Variants in KCNIP4 observed in about 807,000 individuals in gnomAD.
The protein encoded by KCNIP4 is potassium voltage-gated channel interacting protein 4, also known as Kv channel-interacting protein 4.
In KCNIP4, 12 loss-of-function variants were observed where a neutral mutation model predicts 34.0. The ratio of observed to expected loss-of-function variants is 0.35; its 90% CI spans 0.23 to 0.57. The LOEUF is 0.57. KCNIP4 is among the 20% of genes least tolerant of loss of function. KCNIP4 has a pLI of 0.83. For synonymous variants in KCNIP4, 124 were observed against 102.2 expected (o/e 1.21, Z -1.29); for missense variants, 238 against 311.7 (o/e 0.76, Z 1.78).
At chr4:20,878,621 T>C (rs1265802408) in intron 2 of KCNIP4, among the ~76,000 whole-genome samples, 1 of 152,212 alleles carries the variant, frequency 6.6e-6, no homozygotes, top group Admixed American at 6.5e-5. Context: ...AAAGTGAGTG[T>C]CTAGTATCAT....
At chr4:21,379,513 C>A (rs111665641) in intron 1 of KCNIP4, among the ~76,000 whole-genome samples, 184 of 152,294 alleles carry the variant, frequency 1.2e-3, no homozygotes, top group African/African-American at 4.4e-3. Context: ...TTAAGTTTTA[C>A]TACTAGGTGG....
At chr4:21,275,142 A>G (rs746938309) in intron 1 of KCNIP4, among the ~76,000 whole-genome samples, 3 of 152,162 alleles carry the variant, frequency 2.0e-5, no homozygotes, top group African/African-American at 4.8e-5. Flanking sequence ...ATAGTTATCT[A>G]TAGATTTCTA....
intron 1 of KCNIP4, among the ~76,000 whole-genome samples, chr4:21,018,793 G>A (rs182793340): frequency 6.6e-6 from 1 of 152,216 alleles, no homozygotes; most frequent in East Asian, 1.9e-4. Flanking sequence ...GGGATACTTG[G>A]ACTAACATAG....
intron 1 of KCNIP4, among the ~76,000 whole-genome samples, chr4:21,032,565 T>C (rs1410104800): frequency 6.6e-6 from 1 of 152,098 alleles, no homozygotes; most frequent in Non-Finnish European, 1.5e-5. Flanking sequence ...GAAAACTTCC[T>C]GAACCTGTTT....
intron 1 of KCNIP4, among the ~76,000 whole-genome samples, chr4:21,797,936 G>A (rs1720727078): frequency 6.6e-6 from 1 of 151,984 alleles, no homozygotes; most frequent in African/African-American, 2.4e-5. Flanking sequence ...TAGGCAGAAT[G>A]AGAAAAAAGG....
At chr4:21,498,774 A>G (rs1733059845) in intron 1 of KCNIP4, among the ~76,000 whole-genome samples, 1 of 152,216 alleles carries the variant, frequency 6.6e-6, no homozygotes. Flanking sequence ...ACTGTAAGAA[A>G]TAACAACTGT....
intron 5 of KCNIP4, among the ~76,000 whole-genome samples, chr4:20,744,375 A>G (rs1471434401): frequency 2.0e-5 from 3 of 152,146 alleles, no homozygotes; most frequent in Non-Finnish European, 4.4e-5. Flanking sequence ...TCCATCAATG[A>G]TAGACTGGAT....
chr4:21,605,262 T>C (rs141143801), intron 1 of KCNIP4, among the ~76,000 whole-genome samples: 80 of 152,284 alleles, frequency 5.3e-4, no homozygotes, highest in African/African-American at 1.8e-3. Flanking sequence ...TCTTGGCAGA[T>C]TGGAAAAGGC....
intron 1 of KCNIP4, among the ~76,000 whole-genome samples, chr4:21,299,669 T>A (rs1428389768): frequency 1.3e-5 from 2 of 152,196 alleles, no homozygotes; most frequent in African/African-American, 4.8e-5. Context: ...ACTAAGCTAT[T>A]TGAGATGGAA....
Position 20,733,318 on chromosome 4 carries a change from C to T in KCNIP4, c.538-533G>A, listed in dbSNP as rs185348561. Among the ~76,000 whole-genome samples, 918 of 152,206 alleles carry T rather than the reference C, an allele frequency of 6.0e-3. 34 individuals are homozygous for T. Among genetic ancestry groups the T allele is most frequent in the Admixed American group, 0.056 (850 of 15,290 alleles). ...GAAGACTAGTCAAAAAATTTTGACC[C>T]TGGGAAACACCTTTAAATTTTGTTA... On this transcript the variant is annotated intron_variant, in intron 6 of 8. Transcript: ENST00000382152.
At chr4:21,336,193 T>C (rs989281616) in intron 1 of KCNIP4, among the ~76,000 whole-genome samples, 2 of 152,168 alleles carry the variant, frequency 1.3e-5, no homozygotes, top group Admixed American at 6.5e-5. Flanking sequence ...ATTCACCTTG[T>C]ATAACATTAA....
chr4:20,841,106 C>T (rs1719664733), intron 3 of KCNIP4, among the ~76,000 whole-genome samples: 1 of 152,086 alleles, frequency 6.6e-6, no homozygotes, highest in African/African-American at 2.4e-5. Flanking sequence ...TCTTTCACTC[C>T]CCCTATTATT....
In KCNIP4 at chr4:20,953,193, G is replaced by T. The variant is rs539423289; in HGVS notation, c.62-70484C>A. Reference sequence around the variant, plus strand: ...CAACTGTCTTTCCTTGCAGTCAAGTGTGAGTTACCTGTTCCTCCTCTATTA... The same window carrying T: ...CAACTGTCTTTCCTTGCAGTCAAGTTTGAGTTACCTGTTCCTCCTCTATTA... On this transcript the variant is annotated intron_variant, in intron 1 of 8. Coordinates refer to ENST00000382152, the MANE Select transcript of KCNIP4 (RefSeq NM_025221.6). Among the ~76,000 whole-genome samples, 410 of 152,338 alleles carry T rather than the reference G, an allele frequency of 2.7e-3. 1 individual carries two copies. Among genetic ancestry groups the T allele is most frequent in the Non-Finnish European group, 4.9e-3 (332 of 68,026 alleles).
At chr4:21,942,370 G>A (rs1321339671) in intron 1 of KCNIP4, among the ~76,000 whole-genome samples, 5 of 152,212 alleles carry the variant, frequency 3.3e-5, no homozygotes, top group African/African-American at 4.8e-5. Context: ...ACTGATGTTG[G>A]AGGTGATCAT....
chr4:21,072,673 G>A (rs1745077505), intron 1 of KCNIP4, among the ~76,000 whole-genome samples: 1 of 152,010 alleles, frequency 6.6e-6, no homozygotes, highest in African/African-American at 2.4e-5. Flanking sequence ...GTCAATTTTG[G>A]TTTTTGTTGC....
At chr4:21,087,717 T>C (rs1235691166) in intron 1 of KCNIP4, among the ~76,000 whole-genome samples, 1 of 152,156 alleles carries the variant, frequency 6.6e-6, no homozygotes, top group African/African-American at 2.4e-5. Flanking sequence ...CTTGCCAACA[T>C]TTCACAAAAT....
At chr4:20,808,562 T>C (rs181629525) in intron 3 of KCNIP4, among the ~76,000 whole-genome samples, 10 of 152,340 alleles carry the variant, frequency 6.6e-5, no homozygotes, top group African/African-American at 2.2e-4. Flanking sequence ...ATTTTATCAG[T>C]AAATGTCAAG....
At chr4:21,525,928 A>G (rs1344609067) in intron 1 of KCNIP4, among the ~76,000 whole-genome samples, 1 of 152,170 alleles carries the variant, frequency 6.6e-6, no homozygotes, top group Non-Finnish European at 1.5e-5. Flanking sequence ...TTGAGCTTAT[A>G]AACTACATTA....
chr4:21,262,180 A>G (rs1761514389), intron 1 of KCNIP4, among the ~76,000 whole-genome samples: 1 of 151,926 alleles, frequency 6.6e-6, no homozygotes, highest in South Asian at 2.1e-4. Flanking sequence ...TCCCCTTTCT[A>G]CACAAGAGTG....
Sources: gnomAD v4.1 joint callset for allele counts (sites outside exome capture counted in the v4.1 genomes callset) on GRCh38, gnomAD v4.1.1 for gene constraint, MANE v1.5 for transcripts, NCBI Gene and HGNC (gene_info 2026-07-23, HGNC 2026-07-21) for gene names.